DCLK1: variants seen among roughly 807,000 people sequenced by gnomAD.
DCLK1 encodes the protein serine/threonine-protein kinase DCLK1.
In DCLK1, 16 loss-of-function variants were observed where a neutral mutation model predicts 86.2. The observed-to-expected ratio is 0.19, with a 90% confidence interval of 0.13 to 0.28. The LOEUF (loss-of-function observed/expected upper bound fraction) is 0.28. DCLK1 is among the 10% of genes least tolerant of loss of function. The pLI is 1.00. For synonymous variants in DCLK1, 369 were observed against 370.5 expected, an observed-to-expected ratio of 1.00 and a Z score of 0.05; for missense variants, 590 against 940.2, an observed-to-expected ratio of 0.63 and a Z score of 4.87.
Position 36,125,955 on chromosome 13 carries a change from G to A in DCLK1, c.183C>T (p.Phe61=). The A allele has an allele frequency of 6.2e-7, 1 of 1,614,226 alleles. No homozygotes were observed. The part of the protein sequence containing the change: ...SSEKKAKKVR[F]YRNGDRYFKG... ...TGAAGTATCGATCTCCGTTTCGATA[G>A]AAACGAACTTTCTTGGCCTTCTTCT... Residue 61 remains phenylalanine, a synonymous_variant, in exon 2 of 17, where the codon TTC becomes TTT. Coordinates refer to ENST00000360631, the MANE Select transcript of DCLK1 (RefSeq NM_001330071.2).
chr13:36,039,990 A>T (rs1047717803), intron 3 of DCLK1, among the ~76,000 whole-genome samples: 9 of 151,128 alleles, frequency 6.0e-5, no homozygotes, highest in Non-Finnish European at 1.0e-4. Context: ...GTGCAGTGGC[A>T]TGATCATAGC....
At chr13:35,813,033 G>A (rs898521155) in intron 11 of DCLK1, among the ~76,000 whole-genome samples, 25 of 152,176 alleles carry the variant, frequency 1.6e-4, no homozygotes, top group Admixed American at 1.0e-3. Flanking sequence ...GTCTTACCAC[G>A]TCAGCCATTC....
intron 8 of DCLK1, among the ~76,000 whole-genome samples, chr13:35,833,184 T>C (rs921072419): frequency 6.6e-6 from 1 of 152,080 alleles, no homozygotes; most frequent in Non-Finnish European, 1.5e-5. Flanking sequence ...CTCTGGTGCC[T>C]ATATCACTAA....
At chr13:35,846,075 AC>A (rs1472567847) in intron 6 of DCLK1, 2 of 985,322 alleles carry the variant, frequency 2.0e-6, no homozygotes, top group East Asian at 1.1e-4. Context: ...CATTTTGTCA[AC>A]CCTTAGCTCT....
At chr13:36,127,843 C>T (rs1314937637) in intron 1 of DCLK1, among the ~76,000 whole-genome samples, 1 of 152,074 alleles carries the variant, frequency 6.6e-6, no homozygotes, top group Non-Finnish European at 1.5e-5. Flanking sequence ...GTTTGTGGAG[C>T]CTTGCAGGGG....
intron 10 of DCLK1, among the ~76,000 whole-genome samples, chr13:35,824,508 T>C (rs894492956): frequency 1.3e-5 from 2 of 152,068 alleles, no homozygotes; most frequent in African/African-American, 4.8e-5. Context: ...AACAATGCAG[T>C]CAACAGGTCT....
intron 5 of DCLK1, among the ~76,000 whole-genome samples, chr13:35,859,535 C>A (rs1014938007): frequency 6.6e-6 from 1 of 152,122 alleles, no homozygotes; most frequent in East Asian, 1.9e-4. Flanking sequence ...TCCTTTATTT[C>A]GACTCAGCTG....
chr13:35,779,181 G>A (rs2086479962), intron 16 of DCLK1, among the ~76,000 whole-genome samples: 1 of 152,002 alleles, frequency 6.6e-6, no homozygotes, highest in African/African-American at 2.4e-5. Flanking sequence ...TCACCATGTT[G>A]GCCTGGCTGG....
intron 6 of DCLK1, among the ~76,000 whole-genome samples, chr13:35,840,308 T>C (rs1869700995): frequency 6.6e-6 from 1 of 152,192 alleles, no homozygotes; most frequent in South Asian, 2.1e-4. Flanking sequence ...GTATCCTGCA[T>C]AGGAGATTCA....
chr13:35,793,780 C>G (rs2086750935), intron 15 of DCLK1, among the ~76,000 whole-genome samples: 1 of 152,056 alleles, frequency 6.6e-6, no homozygotes, highest in South Asian at 2.1e-4. Context: ...AACCACGGCT[C>G]TAGGAACATG....
intron 2 of DCLK1, among the ~76,000 whole-genome samples, chr13:36,116,124 A>G (rs982099640): frequency 2.0e-5 from 3 of 151,512 alleles, no homozygotes; most frequent in Admixed American, 2.0e-4. Context: ...GAATTTTTAT[A>G]TTTTTAGTAG....
At chr13:36,001,602 T>C (rs990234881) in intron 3 of DCLK1, among the ~76,000 whole-genome samples, 5 of 152,150 alleles carry the variant, frequency 3.3e-5, no homozygotes, top group African/African-American at 1.2e-4. Flanking sequence ...TCATTGACTT[T>C]GTGTTTTAAA....
chr13:35,881,483 C>T (rs1050322069), intron 4 of DCLK1, among the ~76,000 whole-genome samples: 1 of 152,138 alleles, frequency 6.6e-6, no homozygotes, highest in Non-Finnish European at 1.5e-5. Flanking sequence ...GAGTCCCTGC[C>T]AAAATGCAGA....
Position 36,046,100 on chromosome 13 carries a change from TAAAG to T in DCLK1, c.723+65765_723+65768del, listed in dbSNP as rs137964191. On this transcript the variant is annotated intron_variant, in intron 3 of 16. Transcript: ENST00000360631. ...AAAAAAAACCTAAATGTTATTTTGG[TAAAG>T]AAAGTTATGAGAACTGGTTAGGATG... Among the ~76,000 whole-genome samples the T allele has an allele frequency of 1.6e-3, 238 of 152,310 alleles. 7 individuals are homozygous for T. In the East Asian group the frequency reaches 0.039, roughly 25 times the overall value.
chr13:36,053,970 A>G (rs1251896621), intron 3 of DCLK1, among the ~76,000 whole-genome samples: 1 of 152,194 alleles, frequency 6.6e-6, no homozygotes, highest in African/African-American at 2.4e-5. Flanking sequence ...TGTAAAAGCC[A>G]TGGAAGATAA....
intron 3 of DCLK1, among the ~76,000 whole-genome samples, chr13:36,032,334 G>C (rs1325998864): frequency 2.0e-5 from 3 of 151,908 alleles, no homozygotes; most frequent in Non-Finnish European, 4.4e-5. Flanking sequence ...GTAGAGACGG[G>C]GTTTCACCAT....
At chr13:36,092,206 GT>G (rs759738489) in intron 3 of DCLK1, among the ~76,000 whole-genome samples, 15 of 148,400 alleles carry the variant, frequency 1.0e-4, no homozygotes, top group Admixed American at 3.3e-4. Context: ...GGCTCTTGAG[GT>G]TTTTTTTTTA....
At position 35,970,539 on chromosome 13, in the gene DCLK1, A is replaced by G. The variant is rs528035974; in HGVS notation, c.724-23082T>C. On this transcript the variant is annotated intron_variant, in intron 3 of 16. Transcript: ENST00000360631. ...CAACCCTCATGGGTGTGTTTAATGC[A>G]TTCATAAAAGGACTATTGGCGGTGG... Among the ~76,000 whole-genome samples the G allele has an allele frequency of 3.3e-5, 5 of 152,266 alleles. No homozygotes were observed. The South Asian group carries it at 1.0e-3, about 32-fold the overall frequency.
chr13:35,903,885 C>T (rs904962852), intron 4 of DCLK1, among the ~76,000 whole-genome samples: 2 of 152,142 alleles, frequency 1.3e-5, no homozygotes, highest in African/African-American at 4.8e-5. Context: ...ATTGACCTAA[C>T]AATATCAATT....
Sources: gnomAD v4.1 joint callset for allele counts (sites outside exome capture counted in the v4.1 genomes callset) on GRCh38, gnomAD v4.1.1 for gene constraint, MANE v1.5 for transcripts, NCBI Gene and HGNC (gene_info 2026-07-23, HGNC 2026-07-21) for gene names.